Variants in GRIN2B observed in about 807,000 individuals in gnomAD.
GRIN2B encodes the protein glutamate ionotropic receptor NMDA type subunit 2B.
Under a neutral mutation model 114.5 loss-of-function variants are expected in GRIN2B, and 5 were observed. The ratio of observed to expected loss-of-function variants is 0.04; its 90% CI spans 0.02 to 0.09. The LOEUF is 0.09. Among genes scored for constraint, GRIN2B ranks in the 10% least tolerant of loss-of-function variants. The probability of loss-of-function intolerance (pLI) is 1.00; values close to 1 mark genes in which losing one functional copy is unlikely to be tolerated. For missense variants in GRIN2B, 1,108 were observed against 1,943.5 expected (o/e 0.57, Z 8.08); for synonymous variants, 787 against 745.1 (o/e 1.06, Z -0.92).
intron 2 of GRIN2B, among the ~76,000 whole-genome samples, chr12:13,899,877 AG>A (rs1866413733): frequency 6.6e-6 from 1 of 152,008 alleles, no homozygotes. Flanking sequence ...ATAGTCTTTG[AG>A]TCTATGATGA....
intron 2 of GRIN2B, among the ~76,000 whole-genome samples, chr12:13,947,155 G>C (rs895664558): frequency 2.6e-5 from 4 of 152,198 alleles, no homozygotes; most frequent in Admixed American, 1.3e-4. Flanking sequence ...ACTCACAAAA[G>C]TATCTGTTCT....
intron 4 of GRIN2B, among the ~76,000 whole-genome samples, chr12:13,736,195 T>C: frequency 7.0e-6 from 1 of 143,656 alleles, no homozygotes; most frequent in Middle Eastern, 4.6e-3. Flanking sequence ...GGATGTACCC[T>C]CAGCTCCTCT....
intron 3 of GRIN2B, among the ~76,000 whole-genome samples, chr12:13,770,804 G>T (rs796966082): frequency 3.9e-5 from 6 of 152,246 alleles, no homozygotes; most frequent in African/African-American, 1.4e-4. Context: ...GGATATATGT[G>T]CAGAGTTGGA....
At chr12:13,671,459 T>G (rs117661672) in intron 5 of GRIN2B, among the ~76,000 whole-genome samples, 1 of 152,256 alleles carries the variant, frequency 6.6e-6, no homozygotes, top group East Asian at 1.9e-4. Context: ...GGGACTACTT[T>G]TAGGAACCTA....
chr12:13,695,317 C>T (rs983474737), intron 4 of GRIN2B, among the ~76,000 whole-genome samples: 3 of 152,136 alleles, frequency 2.0e-5, no homozygotes, highest in Non-Finnish European at 2.9e-5. Context: ...AGGTGTATGA[C>T]CTAGCAATAA....
intron 5 of GRIN2B, among the ~76,000 whole-genome samples, chr12:13,657,234 A>T (rs1391563665): frequency 1.3e-5 from 2 of 152,216 alleles, no homozygotes; most frequent in African/African-American, 4.8e-5. Context: ...GTCTTGGAGC[A>T]CGTGGTTACT....
chr12:13,908,078 A>G (rs1866572850), intron 2 of GRIN2B, among the ~76,000 whole-genome samples: 3 of 152,198 alleles, frequency 2.0e-5, no homozygotes, highest in Admixed American at 2.0e-4. Context: ...TTTTGAACTC[A>G]TGACGCTCTG....
At chr12:13,793,980 T>C (rs898601178) in intron 3 of GRIN2B, among the ~76,000 whole-genome samples, 4 of 145,102 alleles carry the variant, frequency 2.8e-5, no homozygotes, top group Admixed American at 7.2e-5. Flanking sequence ...GACAGGCAGA[T>C]TGCTTAAGCT....
At chr12:13,954,136 CTT>C (rs2136852088) in intron 2 of GRIN2B, among the ~76,000 whole-genome samples, 1 of 152,310 alleles carries the variant, frequency 6.6e-6, no homozygotes, top group Non-Finnish European at 1.5e-5. Flanking sequence ...GAGTTGTCCT[CTT>C]TGGTGCTAAC....
intron 2 of GRIN2B, among the ~76,000 whole-genome samples, chr12:13,961,172 A>G (rs1258884966): frequency 6.6e-6 from 1 of 152,128 alleles, no homozygotes; most frequent in Admixed American, 6.5e-5. Context: ...GTACTGGAGA[A>G]GCTGAATTCC....
intron 3 of GRIN2B, among the ~76,000 whole-genome samples, chr12:13,837,990 T>C (rs561464802): frequency 6.6e-6 from 1 of 152,204 alleles, no homozygotes; most frequent in African/African-American, 2.4e-5. Flanking sequence ...ATACCATGCA[T>C]TCTTTGACTG....
At chr12:13,779,773 C>T (rs2136653967) in intron 3 of GRIN2B, among the ~76,000 whole-genome samples, 1 of 152,288 alleles carries the variant, frequency 6.6e-6, no homozygotes, top group South Asian at 2.1e-4. Flanking sequence ...CCTAGTCCAG[C>T]TACTGATAGC....
At chr12:13,745,122 C>T (rs1252305775) in intron 4 of GRIN2B, among the ~76,000 whole-genome samples, 4 of 152,080 alleles carry the variant, frequency 2.6e-5, no homozygotes, top group African/African-American at 7.2e-5. Flanking sequence ...GATATAAAAG[C>T]CACACAACCA....
At chr12:13,970,251 G>C (rs1333420707) in intron 2 of GRIN2B, among the ~76,000 whole-genome samples, 1 of 152,150 alleles carries the variant, frequency 6.6e-6, no homozygotes, top group Non-Finnish European at 1.5e-5. Flanking sequence ...ATGAGAGAGA[G>C]CTTTTTGAAG....
At chr12:13,883,055 G>A (rs1428153946) in intron 2 of GRIN2B, among the ~76,000 whole-genome samples, 1 of 152,118 alleles carries the variant, frequency 6.6e-6, no homozygotes, top group African/African-American at 2.4e-5. Flanking sequence ...AATAGCTTTG[G>A]AAATTCCTCA....
At chr12:13,672,934 T>C (rs955027396) in intron 5 of GRIN2B, among the ~76,000 whole-genome samples, 4 of 152,180 alleles carry the variant, frequency 2.6e-5, no homozygotes, top group Non-Finnish European at 4.4e-5. Context: ...TGGGATTCTT[T>C]TATTATGTAA....
In GRIN2B at chr12:13,550,908, T is replaced by C. The variant is rs1591597805; in HGVS notation, c.*11875A>G. 3 of 152,136 alleles carry C rather than the reference T, an allele frequency of 2.0e-5. No individual in the cohort carries two copies. The highest frequency in any genetic ancestry group is 3.4e-3 in the Middle Eastern group (1 of 294). The allele number at this position is 152,136 out of a possible 1,614,324, so 9.4% of individuals were successfully genotyped here. A position where few individuals can be genotyped will look rare whatever the true frequency, so the allele number is the denominator to read the frequency against. Reference sequence around the variant, plus strand: ...ATAAGTATACCTCAAGATGAATAAATTGAGAAAGAGAAGTAAAGAATGCAA... The same window carrying C: ...ATAAGTATACCTCAAGATGAATAAACTGAGAAAGAGAAGTAAAGAATGCAA... On this transcript the variant is annotated 3_prime_UTR_variant, in exon 14 of 14. Coordinates refer to ENST00000609686, the MANE Select transcript of GRIN2B (RefSeq NM_000834.5).
At position 13,661,082 on chromosome 12, in the gene GRIN2B, T is replaced by A. The variant is rs191277048; in HGVS notation, c.1125+14663A>T. 1.1e-4 allele frequency among the ~76,000 whole-genome samples: 17 copies of A among 152,332 alleles called. No homozygotes were observed. In the East Asian group the frequency reaches 2.7e-3, roughly 24 times the overall value. On this transcript the variant is annotated intron_variant, in intron 5 of 13. Coordinates refer to ENST00000609686, the MANE Select transcript of GRIN2B (RefSeq NM_000834.5). The stretch of plus-strand genomic sequence containing the variant: ...TCAGTTTTTCCTATATTCACATGTT[T>A]CATTTACCCAGCCCCTTTCCTTCAT...
intron 4 of GRIN2B, among the ~76,000 whole-genome samples, chr12:13,721,619 T>C (rs1002243330): frequency 1.3e-5 from 2 of 152,054 alleles, no homozygotes; most frequent in Non-Finnish European, 2.9e-5. Context: ...GTTACCATTT[T>C]CACCATGCTA....
Sources: gnomAD v4.1 joint callset for allele counts (sites outside exome capture counted in the v4.1 genomes callset) on GRCh38, gnomAD v4.1.1 for gene constraint, MANE v1.5 for transcripts, NCBI Gene and HGNC (gene_info 2026-07-23, HGNC 2026-07-21) for gene names.